SIGLEC6: variants seen among roughly 807,000 people sequenced by gnomAD.
SIGLEC6 encodes the protein sialic acid binding Ig like lectin 6.
Under a neutral mutation model 41.4 loss-of-function variants are expected in SIGLEC6, and 31 were observed. That is an observed-to-expected ratio of 0.75 (90% CI 0.56 to 1.01). The LOEUF (loss-of-function observed/expected upper bound fraction) is 1.01. SIGLEC6 is among the 50% of genes least tolerant of loss of function. The pLI is 0.00. For synonymous variants in SIGLEC6, 217 were observed against 231.0 expected (o/e 0.94, Z 0.55); for missense variants, 555 against 558.6 (o/e 0.99, Z 0.06).
intron 7 of SIGLEC6, among the ~76,000 whole-genome samples, chr19:51,521,624 C>T (rs1053626220): frequency 5.3e-5 from 8 of 152,126 alleles, no homozygotes; most frequent in Admixed American, 2.0e-4. Context: ...TCTCCCTGGG[C>T]TTCCCCTGGC....
In SIGLEC6 at chr19:51,519,941, C is replaced by G. The variant is rs1990776353; in HGVS notation, c.*141G>C. ...CTGATAACACCTTGTTCTCAGACCT[C>G]TAACATCTGAAACTATACGAAAATA... On this transcript the variant is annotated 3_prime_UTR_variant, in exon 8 of 8. Coordinates refer to ENST00000425629, the MANE Select transcript of SIGLEC6 (RefSeq NM_001245.7). 2.7e-6 allele frequency: 2 copies of G among 727,538 alleles called. No individual in the cohort carries two copies. Among genetic ancestry groups the G allele is most frequent in the East Asian group, 3.0e-5 (1 of 33,672 alleles). 45.1% of individuals were successfully genotyped at this position (727,538 alleles called of 1,614,324 possible).
chr19:51,526,760 A>T (rs1172326018), intron 7 of SIGLEC6, among the ~76,000 whole-genome samples: 2 of 152,238 alleles, frequency 1.3e-5, no homozygotes, highest in Non-Finnish European at 1.5e-5. Flanking sequence ...ATTGAGATTC[A>T]GGAGAAAGTA....
In SIGLEC6 at chr19:51,530,465, G is replaced by A. The variant is rs1234592508; in HGVS notation, c.726C>T (p.Ala242=). ...CGCTGTTTCCTTGGAAGATGCTGAT[G>A]GCCACTTTCTGTGGAGCATCTGGGG... ...LNVSYAPQKV[A]ISIFQGNSAA... The change falls in exon 4 of 8, where the codon GCC becomes GCT. Residue 242 remains alanine, a synonymous_variant. Coordinates refer to ENST00000425629, the MANE Select transcript of SIGLEC6 (RefSeq NM_001245.7). 1 of 1,614,106 alleles carries A rather than the reference G, an allele frequency of 6.2e-7. No homozygotes were observed. Among genetic ancestry groups the A allele is most frequent in the South Asian group, 1.1e-5 (1 of 91,088 alleles).
At chr19:51,527,908 A>G (rs897783) in intron 6 of SIGLEC6, 80 bp from the exon 7 acceptor site, 827,709 of 1,382,944 alleles carry the variant, frequency 0.6, 249,138 homozygotes, top group Admixed American at 0.7. Context: ...CCCACTCCCT[A>G]TGGAGAGTAC....
intron 6 of SIGLEC6, 39 bp downstream of exon 6, chr19:51,528,121 C>T: frequency 6.4e-7 from 1 of 1,563,170 alleles, no homozygotes; most frequent in East Asian, 2.2e-5. Flanking sequence ...GCCCTTCCCA[C>T]ATGAAGTCTT....
chr19:51,519,126 T>A lies in SIGLEC6; in HGVS notation c.*956A>T, dbSNP rs1191307593. ...CTGGCTAACACGGTGAAACCCCGTC[T>A]CTACTAAAAATACAAAAAATTAGCC... On this transcript the variant is annotated 3_prime_UTR_variant, in exon 8 of 8. Transcript: ENST00000425629. Among the ~76,000 whole-genome samples, 1 of 151,754 alleles carries A rather than the reference T, an allele frequency of 6.6e-6. No homozygotes were observed. Among genetic ancestry groups the A allele is most frequent in the African/African-American group, 2.4e-5 (1 of 41,294 alleles).
chr19:51,521,225 C>T (rs1280031423), intron 7 of SIGLEC6, among the ~76,000 whole-genome samples: 1 of 152,108 alleles, frequency 6.6e-6, no homozygotes, highest in Non-Finnish European at 1.5e-5. Context: ...TGTAATGATT[C>T]CCAACAAAGT....
At chr19:51,520,342 G>A (rs1229904754) in intron 7 of SIGLEC6, 87 bp from the exon 8 acceptor site, 11 of 758,108 alleles carry the variant, frequency 1.5e-5, no homozygotes, top group Admixed American at 5.9e-5. Flanking sequence ...TAGAACTGAT[G>A]GAACTTTATT....
At chr19:51,522,977 A>C (rs918424423) in intron 7 of SIGLEC6, among the ~76,000 whole-genome samples, 1 of 152,170 alleles carries the variant, frequency 6.6e-6, no homozygotes, top group African/African-American at 2.4e-5. Context: ...CTTTACAAAA[A>C]TTTGTTTAAA....
intron 5 of SIGLEC6, chr19:51,529,470 G>A (rs1339482007): frequency 1.9e-6 from 1 of 519,564 alleles, no homozygotes; most frequent in Non-Finnish European, 3.5e-6. Flanking sequence ...GTTGACCAAG[G>A]GTCCGGCTGG....
At position 51,520,199 on chromosome 19, in the gene SIGLEC6, G is replaced by C. The variant is rs1261618970; in HGVS notation, c.1245C>G (p.Gly415=). 6.2e-7 allele frequency: 1 copy of C among 1,608,790 alleles called. No individual in the cohort carries two copies. The highest frequency in any genetic ancestry group is 2.2e-5 in the East Asian group (1 of 44,740). ...GIVSDHPAEA[G]PISEDEQELH... ...GCTCCTGCTCATCTTCTGAGATGGG[G>C]CCAGCCTCAGCAGGGTGGTCTGAAA... The change falls in exon 8 of 8, where the codon GGC becomes GGG. Residue 415 remains glycine, a synonymous_variant. Transcript: ENST00000425629.
At chr19:51,525,696 A>G (rs10221457) in intron 7 of SIGLEC6, among the ~76,000 whole-genome samples, 119,580 of 152,152 alleles carry the variant, frequency 0.79, 47,328 homozygotes, top group Admixed American at 0.84. Context: ...AGCACCATAC[A>G]GAAAGGAGCC....
rs758055646 is a variant in SIGLEC6, at chr19:51,520,178, C to T, written c.1266G>A (p.Gln422=). 60 of 1,609,060 alleles carry T rather than the reference C, an allele frequency of 3.7e-5. No individual in the cohort carries two copies. The highest frequency in any genetic ancestry group is 1.5e-4 in the Admixed American group (9 of 59,938). The change falls in exon 8 of 8, where the codon CAG becomes CAA. Residue 422 remains glutamine (Q), a synonymous_variant. Coordinates refer to ENST00000425629, the MANE Select transcript of SIGLEC6 (RefSeq NM_001245.7). The part of the protein sequence containing the change: ...AEAGPISEDE[Q]ELHYAVLHFH... ...AGTGTAGGACAGCGTAGTGGAGCTC[C>T]TGCTCATCTTCTGAGATGGGGCCAG...
chr19:51,530,847 G>T lies in SIGLEC6; in HGVS notation c.540C>A (p.Phe180Leu), dbSNP rs1427170955. ...WVCEQGTPPI[F>L]SWMSAAPTSL... ...AGGTGGGGGCAGCTGACATCCAGGA[G>T]AAGATGGGGGGCGTCCCCTGCTCAC... Residue 180 changes from phenylalanine (F) to leucine (L), a missense_variant, in exon 3 of 8, where the codon TTC (phenylalanine) becomes TTA (leucine). Transcript: ENST00000425629. The T allele has an allele frequency of 6.2e-7, 1 of 1,614,020 alleles. No individual in the cohort carries two copies. The highest frequency in any genetic ancestry group is 2.2e-5 in the East Asian group (1 of 44,878).
At position 51,531,177 on chromosome 19, in the gene SIGLEC6, A is replaced by G. The variant is rs757283415; in HGVS notation, c.410T>C (p.Leu137Pro). 7 of 1,591,174 alleles carry G rather than the reference A, an allele frequency of 4.4e-6. No homozygotes were observed. The Admixed American group carries it at 1.2e-4, about 27-fold the overall frequency. Residue 137 changes from leucine (L) to proline (P), a missense_variant, in exon 2 of 8, where the codon CTC becomes CCC. Physicochemically the swap from Leu to Pro is moderately conservative, Grantham distance 98. Coordinates refer to ENST00000425629, the MANE Select transcript of SIGLEC6 (RefSeq NM_001245.7). ...WMKYGYTSSK[L>P]SVRVMALTHR... ...TTCCTTACCCATCACACGCACAGAG[A>G]GCTTGGAAGATGTATAACCGTATTT...
rs1990657486 is a variant in SIGLEC6 at position 51,517,974 on chromosome 19, C to T, written c.*2108G>A. On this transcript the variant is annotated 3_prime_UTR_variant, in exon 8 of 8. Coordinates refer to ENST00000425629, the MANE Select transcript of SIGLEC6 (RefSeq NM_001245.7). Reference sequence around the variant, plus strand: ...TTACATTTGATGTTTGACCCCTCTACAAACCATCATTTTTACAACAAGTAT... The same window carrying T: ...TTACATTTGATGTTTGACCCCTCTATAAACCATCATTTTTACAACAAGTAT... Among the ~76,000 whole-genome samples, 1 of 152,122 alleles carries T rather than the reference C, an allele frequency of 6.6e-6. No homozygotes were observed. Among genetic ancestry groups the T allele is most frequent in the Admixed American group, 6.5e-5 (1 of 15,268 alleles).
Position 51,531,196 on chromosome 19 carries a change from C to G in SIGLEC6, c.391G>C (p.Gly131Arg). The G allele has an allele frequency of 1.2e-6, 2 of 1,606,182 alleles. No homozygotes were observed. Among genetic ancestry groups the G allele is most frequent in the Non-Finnish European group, 8.5e-7 (1 of 1,175,602 alleles). The change falls in exon 2 of 8, where the codon GGT becomes CGT. Residue 131 changes from glycine to arginine, a missense_variant. Coordinates refer to ENST00000425629, the MANE Select transcript of SIGLEC6 (RefSeq NM_001245.7). ...ACAGAGAGCTTGGAAGATGTATAAC[C>G]GTATTTCATCCATTTGGACTTCAAC... ...FRLKSKWMKY[G>R]YTSSKLSVRV...
chr19:51,530,755 G>A lies in SIGLEC6; in HGVS notation c.632C>T (p.Thr211Ile), dbSNP rs2122477304. Residue 211 changes from threonine to isoleucine, a missense_variant, in exon 3 of 8, where the codon ACC (threonine) becomes ATC (isoleucine). Physicochemically the swap from Thr to Ile is moderately conservative, Grantham distance 89. Coordinates refer to ENST00000425629, the MANE Select transcript of SIGLEC6 (RefSeq NM_001245.7). ...TITPRPQDHSTNLTCQVTFPG... is the reference protein window; with the variant it reads ...TITPRPQDHSINLTCQVTFPG... The stretch of plus-strand genomic sequence containing the variant: ...GAACGTCACCTGACAGGTGAGGTTG[G>A]TGCTGTGGTCCTGGGGCCGTGGGGT... 6.2e-7 allele frequency: 1 copy of A among 1,614,146 alleles called. No individual in the cohort carries two copies. Among genetic ancestry groups the A allele is most frequent in the Non-Finnish European group, 8.5e-7 (1 of 1,180,012 alleles).
rs926148412 is a variant in SIGLEC6 at position 51,519,313 on chromosome 19, A to G, written c.*769T>C. On this transcript the variant is annotated 3_prime_UTR_variant, in exon 8 of 8. Transcript: ENST00000425629. ...CCATCTCAGAAAAAAAAAAAAAAAA[A>G]AAAAGCTAGCCAAAGCCAGATACAA... 2.0e-5 allele frequency among the ~76,000 whole-genome samples: 3 copies of G among 151,150 alleles called. No homozygotes were observed. The highest frequency in any genetic ancestry group is 7.3e-5 in the African/African-American group (3 of 41,060).
Sources: gnomAD v4.1 joint callset for allele counts (sites outside exome capture counted in the v4.1 genomes callset) on GRCh38, gnomAD v4.1.1 for gene constraint, MANE v1.5 for transcripts, NCBI Gene and HGNC (gene_info 2026-07-23, HGNC 2026-07-21) for gene names.